SSH2: variants seen among roughly 807,000 people sequenced by gnomAD.
SSH2 encodes slingshot protein phosphatase 2.
SSH2 carries 37 observed loss-of-function variants against 135.2 expected under a neutral mutation model. The observed-to-expected ratio is 0.27, with a 90% CI of 0.21 to 0.36. The LOEUF is 0.36. SSH2 is among the 10% of genes least tolerant of loss of function. SSH2 has a pLI of 1.00. For missense variants in SSH2, 1,408 were observed against 1,765.3 expected, an observed-to-expected ratio of 0.80 and a Z score of 3.63; for synonymous variants, 628 against 646.2, an observed-to-expected ratio of 0.97 and a Z score of 0.43.
intron 3 of SSH2, among the ~76,000 whole-genome samples, chr17:29,784,880 A>G (rs879919927): frequency 5.3e-5 from 8 of 152,150 alleles, no homozygotes; most frequent in Non-Finnish European, 1.0e-4. Context: ...TTCATTCATC[A>G]TGACTCAGCT....
At chr17:29,786,415 C>T (rs1333436568) in intron 3 of SSH2, among the ~76,000 whole-genome samples, 6 of 152,166 alleles carry the variant, frequency 3.9e-5, no homozygotes, top group Admixed American at 3.9e-4. Flanking sequence ...GGAATTCTAG[C>T]CTTGCAGAAA....
chr17:29,710,018 T>C (rs1015840160), intron 3 of SSH2, among the ~76,000 whole-genome samples: 1 of 152,156 alleles, frequency 6.6e-6, no homozygotes, highest in Admixed American at 6.6e-5. Context: ...TTAGACAAAG[T>C]GTGGAGGAAA....
chr17:29,901,816 G>A (rs982309330), intron 1 of SSH2, among the ~76,000 whole-genome samples: 1 of 150,768 alleles, frequency 6.6e-6, no homozygotes, highest in African/African-American at 2.4e-5. Context: ...GTGTCTTTCT[G>A]TGTCGCCTAG....
intron 1 of SSH2, among the ~76,000 whole-genome samples, chr17:29,902,642 C>A (rs2066578580): frequency 6.6e-6 from 1 of 151,984 alleles, no homozygotes; most frequent in South Asian, 2.1e-4. Flanking sequence ...ACTACTCAGT[C>A]TCTGAGAGTA....
chr17:29,743,089 G>A (rs2628185), intron 3 of SSH2, among the ~76,000 whole-genome samples: 67,358 of 151,804 alleles, frequency 0.44, 15,297 homozygotes, highest in Non-Finnish European at 0.49. Flanking sequence ...GTCCCACCAC[G>A]CTGAACTAAT....
intron 1 of SSH2, among the ~76,000 whole-genome samples, chr17:29,896,462 A>G (rs907023144): frequency 4.7e-5 from 7 of 149,582 alleles, no homozygotes; most frequent in Non-Finnish European, 1.0e-4. Context: ...AATATTGCAT[A>G]GCTTATATGC....
At chr17:29,901,580 T>C (rs140620878) in intron 1 of SSH2, among the ~76,000 whole-genome samples, 1 of 152,318 alleles carries the variant, frequency 6.6e-6, no homozygotes, top group East Asian at 1.9e-4. Context: ...ACAGACGTTC[T>C]TTGACCTCTG....
intron 1 of SSH2, among the ~76,000 whole-genome samples, chr17:29,876,044 T>G (rs2066024401): frequency 6.7e-6 from 1 of 148,626 alleles, no homozygotes; most frequent in Non-Finnish European, 1.5e-5. Flanking sequence ...ATCAATACTG[T>G]GAAAATGTTC....
In SSH2 at chr17:29,702,727, C is replaced by T. The variant is rs139621127; in HGVS notation, c.292+232G>A. On this transcript the variant is annotated intron_variant, in intron 4 of 15. Coordinates refer to ENST00000540801, the MANE Select transcript of SSH2 (RefSeq NM_001282129.2). Reference sequence around the variant, plus strand: ...CCATATAACTTCATTATTTTGGTACCGTCTTATTATTATTCCAACAAAAAT... The same window carrying T: ...CCATATAACTTCATTATTTTGGTACTGTCTTATTATTATTCCAACAAAAAT... Among the ~76,000 whole-genome samples, 596 of 152,180 alleles carry T rather than the reference C, an allele frequency of 3.9e-3. 1 individual carries two copies. The highest frequency in any genetic ancestry group is 6.0e-3 in the Non-Finnish European group (409 of 68,006).
chr17:29,635,060 A>G (rs1598676746), intron 15 of SSH2, among the ~76,000 whole-genome samples: 1 of 149,788 alleles, frequency 6.7e-6, no homozygotes, highest in South Asian at 2.1e-4. Flanking sequence ...GCGCCACCAC[A>G]CCCCAGCTAA....
intron 5 of SSH2, among the ~76,000 whole-genome samples, chr17:29,694,800 A>G (rs1221376018): frequency 6.6e-6 from 1 of 152,206 alleles, no homozygotes; most frequent in Non-Finnish European, 1.5e-5. Flanking sequence ...TGCCAGTTTG[A>G]GACCTCCAGT....
intron 6 of SSH2, 142 bp from the exon 7 acceptor site, chr17:29,677,883 T>A: frequency 1.6e-6 from 1 of 626,944 alleles, no homozygotes; most frequent in African/African-American, 1.9e-5. Context: ...ATTTCTATCA[T>A]ATTATTATTA....
chr17:29,859,314 A>C (rs1007274832), intron 1 of SSH2, among the ~76,000 whole-genome samples: 1 of 151,656 alleles, frequency 6.6e-6, no homozygotes, highest in Non-Finnish European at 1.5e-5. Flanking sequence ...TTAACTTTTA[A>C]GTTCCTGGGT....
chr17:29,692,859 T>C (rs928161200), intron 5 of SSH2, among the ~76,000 whole-genome samples: 2 of 152,208 alleles, frequency 1.3e-5, no homozygotes, highest in Non-Finnish European at 2.9e-5. Flanking sequence ...CTGCTTCCCC[T>C]TTACTAATCG....
chr17:29,744,911 A>G (rs1469485185), intron 3 of SSH2, among the ~76,000 whole-genome samples: 3 of 147,652 alleles, frequency 2.0e-5, no homozygotes, highest in African/African-American at 7.8e-5. Context: ...GTTTAAATAA[A>G]CAAACCATAA....
intron 1 of SSH2, among the ~76,000 whole-genome samples, chr17:29,920,782 T>C (rs949824634): frequency 2.6e-5 from 4 of 152,094 alleles, no homozygotes; most frequent in Admixed American, 2.6e-4. Context: ...AAAAGTGAAC[T>C]AAGAAAAATA....
At chr17:29,730,548 A>C (rs570343291) in intron 3 of SSH2, among the ~76,000 whole-genome samples, 23 of 150,588 alleles carry the variant, frequency 1.5e-4, no homozygotes, top group African/African-American at 5.4e-4. Context: ...TAATCATCTC[A>C]CTTCAGCCTT....
At chr17:29,739,533 T>C (rs1362722450) in intron 3 of SSH2, among the ~76,000 whole-genome samples, 1 of 152,204 alleles carries the variant, frequency 6.6e-6, no homozygotes, top group East Asian at 1.9e-4. Context: ...AAAAGAAAAC[T>C]TTGAATCAGG....
chr17:29,646,690 G>T (rs2150992207), intron 14 of SSH2, among the ~76,000 whole-genome samples: 1 of 151,816 alleles, frequency 6.6e-6, no homozygotes, highest in East Asian at 2.0e-4. Context: ...AATAGAGATG[G>T]GGTTTCACCA....
Sources: gnomAD v4.1 joint callset for allele counts (sites outside exome capture counted in the v4.1 genomes callset) on GRCh38, gnomAD v4.1.1 for gene constraint, MANE v1.5 for transcripts, NCBI Gene and HGNC (gene_info 2026-07-23, HGNC 2026-07-21) for gene names.